Variants in ZRSR2 observed in about 807,000 individuals in gnomAD.
ZRSR2 encodes the protein zinc finger CCCH-type, RNA binding motif and serine/arginine rich 2, also known as U2 small nuclear ribonucleoprotein auxiliary factor 35 kDa subunit-related protein 2.
Under a neutral mutation model 39.4 loss-of-function variants are expected in ZRSR2, and 3 were observed. That is an observed-to-expected ratio of 0.08 (90% confidence interval 0.03 to 0.20). The LOEUF is 0.20. ZRSR2 is among the 10% of genes least tolerant of loss of function. The pLI is 1.00. For missense variants in ZRSR2, 256 were observed against 391.5 expected (o/e 0.65, Z 2.92); for synonymous variants, 137 against 136.0 (o/e 1.01, Z -0.05).
chrX:15,808,158 T>C (rs775544773), intron 5 of ZRSR2, 75 bp from the exon 6 acceptor site: 37 of 924,847 alleles, frequency 4.0e-5, no homozygotes, highest in Middle Eastern at 2.6e-4. Context: ...CCACTTGAGA[T>C]TCTTAACCAG....
At chrX:15,800,279 C>T (rs1193091831) in intron 3 of ZRSR2, among the ~76,000 whole-genome samples, 1 of 105,339 alleles carries the variant, frequency 9.5e-6, no homozygotes, top group Non-Finnish European at 1.9e-5. Context: ...CTCCGCCTCC[C>T]GGGTTCAAGC....
chrX:15,817,836 T>C (rs1049714406), intron 8 of ZRSR2, among the ~76,000 whole-genome samples: 18 of 111,726 alleles, frequency 1.6e-4, no homozygotes, highest in African/African-American at 5.9e-4. Flanking sequence ...TAGATAAGTT[T>C]TATTATTTGG....
At chrX:15,797,321 C>T (rs1932510358) in intron 2 of ZRSR2, among the ~76,000 whole-genome samples, 1 of 107,727 alleles carries the variant, frequency 9.3e-6, no homozygotes, top group African/African-American at 3.4e-5. Flanking sequence ...AGCAATTCTC[C>T]TCCCTCAGCC....
chrX:15,823,131 G>A lies in ZRSR2; in HGVS notation c.1338G>A (p.Arg446=). The A allele has an allele frequency of 1.7e-6, 2 of 1,205,080 alleles. No individual in the cohort carries two copies. Among genetic ancestry groups the A allele is most frequent in the Non-Finnish European group, 2.2e-6 (2 of 892,640 alleles). The change falls in exon 11 of 11, where the codon CGG becomes CGA. Residue 446 remains arginine, a synonymous_variant. Coordinates refer to ENST00000307771, the MANE Select transcript of ZRSR2 (RefSeq NM_005089.4). The part of the protein sequence containing the change: ...GRGSRSRSRS[R]SRRSRRSRSQ... The stretch of plus-strand genomic sequence containing the variant: ...GCAGCCGGAGCCGGAGCCGGAGCCG[G>A]AGCCGCAGGAGCCGCCGCAGCCGGA...
intron 10 of ZRSR2, among the ~76,000 whole-genome samples, chrX:15,821,373 A>C (rs1159073661): frequency 9.1e-6 from 1 of 109,632 alleles, no homozygotes; most frequent in East Asian, 2.8e-4. Context: ...GACTAAAGAC[A>C]CTGAGCATCT....
chrX:15,816,860 T>C (rs34306992), intron 8 of ZRSR2, among the ~76,000 whole-genome samples: 13,550 of 111,743 alleles, frequency 0.12, 806 homozygotes, highest in Non-Finnish European at 0.19. Context: ...TTTTAAAAAT[T>C]CTTTTTATTT....
At chrX:15,807,997 G>A (rs867126690) in intron 5 of ZRSR2, among the ~76,000 whole-genome samples, 3 of 105,501 alleles carry the variant, frequency 2.8e-5, no homozygotes, top group Admixed American at 9.9e-5. Flanking sequence ...CTGAGGTCAC[G>A]CCACTGCACT....
At chrX:15,792,619 C>G (rs956344261) in intron 2 of ZRSR2, among the ~76,000 whole-genome samples, 1 of 112,030 alleles carries the variant, frequency 8.9e-6, no homozygotes, top group Admixed American at 9.5e-5. Context: ...ACCACTTTTT[C>G]TATGAAATTA....
At chrX:15,792,613 C>A (rs979385895) in intron 2 of ZRSR2, among the ~76,000 whole-genome samples, 9 of 112,125 alleles carry the variant, frequency 8.0e-5, no homozygotes, top group African/African-American at 2.9e-4. Flanking sequence ...TTATTTACCA[C>A]TTTTTCTATG....
intron 7 of ZRSR2, among the ~76,000 whole-genome samples, chrX:15,810,494 C>T: frequency 9.0e-6 from 1 of 111,709 alleles, no homozygotes; most frequent in Non-Finnish European, 1.9e-5. Context: ...AACCATATGT[C>T]ATCTGTCAGC....
intron 2 of ZRSR2, among the ~76,000 whole-genome samples, chrX:15,795,094 C>G (rs1932407255): frequency 1.2e-5 from 1 of 86,688 alleles, no homozygotes; most frequent in Admixed American, 1.3e-4. Flanking sequence ...CTTTTCCCCC[C>G]CCCCCATATT....
chrX:15,822,304 G>A (rs1260594824), intron 10 of ZRSR2, among the ~76,000 whole-genome samples: 1 of 110,167 alleles, frequency 9.1e-6, no homozygotes, highest in African/African-American at 3.3e-5. Flanking sequence ...CTTCTCTTTT[G>A]ACCAGTGGTT....
At chrX:15,812,180 C>T (rs945189689) in intron 7 of ZRSR2, among the ~76,000 whole-genome samples, 4 of 111,867 alleles carry the variant, frequency 3.6e-5, no homozygotes, top group Non-Finnish European at 5.6e-5. Flanking sequence ...CCGCCCGCCT[C>T]GGCCTCCCAA....
intron 10 of ZRSR2, among the ~76,000 whole-genome samples, chrX:15,821,224 G>A (rs1335912091): frequency 9.1e-6 from 1 of 110,368 alleles, no homozygotes; most frequent in East Asian, 2.8e-4. Context: ...GGAATTGTTC[G>A]CTCCATAAAG....
At chrX:15,800,643 A>G (rs1260333228) in intron 3 of ZRSR2, among the ~76,000 whole-genome samples, 1 of 112,649 alleles carries the variant, frequency 8.9e-6, no homozygotes, top group Non-Finnish European at 1.9e-5. Context: ...CTATAATGGC[A>G]TGATATTTAT....
intron 3 of ZRSR2, among the ~76,000 whole-genome samples, chrX:15,800,311 C>T (rs182598082): frequency 2.2e-4 from 24 of 106,986 alleles, no homozygotes; most frequent in African/African-American, 7.8e-4. Flanking sequence ...CTCAGCCTTC[C>T]GAGTAGCTGG....
intron 8 of ZRSR2, among the ~76,000 whole-genome samples, 155 bp from the exon 9 acceptor site, chrX:15,818,432 G>A (rs772192219): frequency 8.0e-5 from 9 of 112,480 alleles, no homozygotes; most frequent in Non-Finnish European, 1.3e-4. Context: ...TGCCAAGTAC[G>A]CCTTAAATAG....
chrX:15,817,071 G>C (rs1266835267), intron 8 of ZRSR2, among the ~76,000 whole-genome samples: 1 of 111,576 alleles, frequency 9.0e-6, no homozygotes, highest in Non-Finnish European at 1.9e-5. Flanking sequence ...CTGAAAGTGA[G>C]GGGACTGGAT....
Position 15,790,493 on chromosome X carries a change from A to G in ZRSR2, c.-3A>G, listed in dbSNP as rs888337326. On this transcript the variant is annotated 5_prime_UTR_variant, in exon 1 of 11. Coordinates refer to ENST00000307771, the MANE Select transcript of ZRSR2 (RefSeq NM_005089.4). Reference sequence around the variant, plus strand: ...CCTGGAGGGGCGGGGCGGTGCCGGCAAGATGGCTGCGCCCGAGAAGATGAC... The same window carrying G: ...CCTGGAGGGGCGGGGCGGTGCCGGCGAGATGGCTGCGCCCGAGAAGATGAC... The G allele has an allele frequency of 5.2e-6, 6 of 1,159,234 alleles. No individual in the cohort carries two copies. Among genetic ancestry groups the G allele is most frequent in the Non-Finnish European group, 6.9e-6 (6 of 870,768 alleles).
Sources: allele counts gnomAD v4.1 joint callset (sites outside exome capture counted in the v4.1 genomes callset), GRCh38; gene constraint gnomAD v4.1.1; transcripts MANE v1.5; gene names NCBI Gene and HGNC (gene_info 2026-07-23, HGNC 2026-07-21).